Variants in PTPRE observed in about 807,000 individuals in gnomAD.
The protein encoded by PTPRE is protein tyrosine phosphatase receptor type E.
In PTPRE, 51 loss-of-function variants were observed where a neutral mutation model predicts 102.0. The ratio of observed to expected loss-of-function variants is 0.50; its 90% CI spans 0.40 to 0.63. PTPRE has a LOEUF of 0.63. Among genes scored for constraint, PTPRE ranks in the 30% least tolerant of loss-of-function variants. PTPRE has a pLI of 0.00. For synonymous variants in PTPRE, 345 were observed against 348.2 expected, an observed-to-expected ratio of 0.99 and a Z score of 0.10; for missense variants, 752 against 915.1, an observed-to-expected ratio of 0.82 and a Z score of 2.30.
intron 1 of PTPRE, among the ~76,000 whole-genome samples, chr10:127,959,717 A>G (rs1849661428): frequency 6.6e-6 from 1 of 152,206 alleles, no homozygotes; most frequent in Admixed American, 6.5e-5. Flanking sequence ...CTTCCCCAGT[A>G]TGATCCTGGG....
chr10:128,045,605 C>T (rs1848026091), intron 3 of PTPRE, among the ~76,000 whole-genome samples: 1 of 152,162 alleles, frequency 6.6e-6, no homozygotes, highest in African/African-American at 2.4e-5. Context: ...GGCTGGGCTC[C>T]AGGCTGCCCC....
chr10:128,021,158 G>A (rs1237355054), intron 2 of PTPRE, among the ~76,000 whole-genome samples: 1 of 152,186 alleles, frequency 6.6e-6, no homozygotes, highest in Non-Finnish European at 1.5e-5. Flanking sequence ...GCCTCCCAAA[G>A]TGCTGGGACT....
rs571592192 is a variant in PTPRE at position 128,067,380 on chromosome 10, T to G, written c.844-743T>G. Among the ~76,000 whole-genome samples, 749 of 100,692 alleles carry G rather than the reference T, an allele frequency of 7.4e-3. 6 individuals are homozygous for G. The highest frequency in any genetic ancestry group is 0.045 in the Middle Eastern group (9 of 200). The allele number at this position is 100,692 out of a possible 152,430, so 66.1% of individuals were successfully genotyped here. On this transcript the variant is annotated intron_variant, in intron 11 of 20. Coordinates refer to ENST00000254667, the MANE Select transcript of PTPRE (RefSeq NM_006504.6). ...CGCACACGTGCACACATGCACACAT[T>G]CACACATGTGCACACACACATACAC...
At chr10:128,072,003 T>TA (rs1850813847) in intron 15 of PTPRE, 135 bp from the exon 16 acceptor site, 1 of 655,240 alleles carries the variant, frequency 1.5e-6, no homozygotes, top group Non-Finnish European at 2.6e-6. Flanking sequence ...TCTCATAACG[T>TA]AAACTTTCCA....
rs185141897 is a variant in PTPRE at position 128,081,394 on chromosome 10, G to A, written c.2029-1438G>A. On this transcript the variant is annotated intron_variant, in intron 20 of 20. Coordinates refer to ENST00000254667, the MANE Select transcript of PTPRE (RefSeq NM_006504.6). ...CCAGAAATGTCTGTCTGTGACCTGA[G>A]GTGTGGCTTGTATCATCCGAGCACA... 3.9e-5 allele frequency among the ~76,000 whole-genome samples: 6 copies of A among 152,314 alleles called. No individual in the cohort carries two copies. The East Asian group carries it at 9.6e-4, about 24-fold the overall frequency.
rs59170572 is a variant in PTPRE at position 127,982,489 on chromosome 10, C to CGTGTGTGT, written c.-8+227_-8+234dup. ...TCACACCTTTTTGTTACATCATTTGCGTGTGTGTGTGTGTGTGTGTGTGTG... is the reference window on the plus strand; with the variant it reads ...TCACACCTTTTTGTTACATCATTTGCGTGTGTGTGTGTGTGTGTGTGTGTGTGTGTGTG... On this transcript the variant is annotated intron_variant, in intron 2 of 20. Transcript: ENST00000254667. Among the ~76,000 whole-genome samples, 240 of 142,714 alleles carry CGTGTGTGT rather than the reference C, an allele frequency of 1.7e-3. 1 individual carries two copies. The highest frequency in any genetic ancestry group is 2.1e-3 in the East Asian group (10 of 4,676). The allele number at this position is 142,714 out of a possible 152,430, so 93.6% of individuals were successfully genotyped here. A position where few individuals can be genotyped will look rare whatever the true frequency, so the allele number is the denominator to read the frequency against.
At chr10:127,987,918 C>T (rs1005575802) in intron 2 of PTPRE, among the ~76,000 whole-genome samples, 1 of 152,200 alleles carries the variant, frequency 6.6e-6, no homozygotes, top group Non-Finnish European at 1.5e-5. Flanking sequence ...CTTCAAGGAG[C>T]TTGTCTTCAG....
At chr10:127,917,705 C>T (rs989103233) in intron 1 of PTPRE, among the ~76,000 whole-genome samples, 62 of 152,136 alleles carry the variant, frequency 4.1e-4, no homozygotes, top group African/African-American at 1.5e-3. Context: ...TTACACTGTA[C>T]ATTCTTAGGG....
chr10:128,078,122 C>T (rs1332417021), intron 19 of PTPRE, among the ~76,000 whole-genome samples: 2 of 152,216 alleles, frequency 1.3e-5, no homozygotes, highest in African/African-American at 4.8e-5. Context: ...TCCTGGACTT[C>T]AAGTTCCTGG....
rs999940954 is a variant in PTPRE, at chr10:128,028,291, C to T, written c.-7-12584C>T. 6.6e-6 allele frequency among the ~76,000 whole-genome samples: 1 copy of T among 152,154 alleles called. No individual in the cohort carries two copies. Among genetic ancestry groups the T allele is most frequent in the East Asian group, 1.9e-4 (1 of 5,184 alleles). On this transcript the variant is annotated intron_variant, in intron 2 of 20. Transcript: ENST00000254667. The surrounding 1 kb of genome is among the most constrained non-coding windows in gnomAD (Gnocchi z 4.5). ...CCTGTCTCCTCCCCAGTCCTTTCTG[C>T]GACCTCAGGTGGCCTCACTCCTGGC...
chr10:128,019,332 G>A (rs912516653), intron 2 of PTPRE, among the ~76,000 whole-genome samples: 6 of 152,250 alleles, frequency 3.9e-5, no homozygotes, highest in Non-Finnish European at 5.9e-5. Flanking sequence ...AAGAAAACGC[G>A]GGTGGATCGT....
chr10:128,036,204 G>A (rs12571952), intron 2 of PTPRE, among the ~76,000 whole-genome samples: 2 of 151,176 alleles, frequency 1.3e-5, no homozygotes, highest in Admixed American at 1.3e-4. Context: ...TCCCTTCCTC[G>A]GGCCCTAGTG....
At chr10:128,002,660 T>TGCA (rs1209628564) in intron 2 of PTPRE, among the ~76,000 whole-genome samples, 1 of 150,712 alleles carries the variant, frequency 6.6e-6, no homozygotes, top group African/African-American at 2.4e-5. Flanking sequence ...CAATTGTCTT[T>TGCA]GCAGTGTTTG....
At chr10:128,023,689 A>G (rs1285195207) in intron 2 of PTPRE, among the ~76,000 whole-genome samples, 1 of 152,206 alleles carries the variant, frequency 6.6e-6, no homozygotes, top group Non-Finnish European at 1.5e-5. Flanking sequence ...ACATAAATCG[A>G]TGGTGCTTTC....
At position 128,072,176 on chromosome 10, in the gene PTPRE, C is replaced by T. The variant is rs757662183; in HGVS notation, c.1426C>T (p.Gln476Ter). The T allele has an allele frequency of 6.2e-7, 1 of 1,613,994 alleles. No individual in the cohort carries two copies. Among genetic ancestry groups the T allele is most frequent in the South Asian group, 1.1e-5 (1 of 91,058 alleles). The change falls in exon 16 of 21, where the codon CAA becomes TAA. Residue 476 changes from glutamine to a stop codon, truncating the protein, a stop_gained. Transcript: ENST00000254667. LOFTEE classifies it high-confidence loss of function. The part of the protein sequence containing the change: ...NRVILSMKRG[Q>*]EYTDYINASF... ...AGTGATCCTTTCCATGAAAAGGGGT[C>T]AAGAATACACAGACTACATCAACGC...
Position 128,070,895 on chromosome 10 carries a change from A to C in PTPRE, c.1381A>C (p.Ile461Leu), listed in dbSNP as rs1850705826. The change falls in exon 15 of 21, where the codon ATC becomes CTC. Residue 461 changes from isoleucine to leucine, a missense_variant. Physicochemically the swap from Ile to Leu is conservative, Grantham distance 5 (BLOSUM62 2). Transcript: ENST00000254667. The surrounding 1 kb of genome is among the most constrained non-coding windows in gnomAD (Gnocchi z 4.8). ...NMKKARVIQI[I>L]PYDFNRVILS... is the part of the protein sequence containing the mutation. ...GAAGAAGGCCAGGGTCATCCAGATC[A>C]TCCCGTGTAAGGCACCCGTGGCGTG... 6.2e-7 allele frequency: 1 copy of C among 1,613,760 alleles called. No homozygotes were observed. Among genetic ancestry groups the C allele is most frequent in the Non-Finnish European group, 8.5e-7 (1 of 1,179,636 alleles).
intron 17 of PTPRE, among the ~76,000 whole-genome samples, chr10:128,075,962 T>C (rs953369533): frequency 6.6e-6 from 1 of 152,216 alleles, no homozygotes; most frequent in Non-Finnish European, 1.5e-5. Flanking sequence ...GTTTTATGTA[T>C]TGCAAACATC....
rs781468674 is a variant in PTPRE at position 128,056,106 on chromosome 10, G to A, written c.421-17G>A. The A allele has an allele frequency of 3.0e-5, 47 of 1,574,144 alleles. No homozygotes were observed. Among genetic ancestry groups the A allele is most frequent in the Middle Eastern group, 3.3e-4 (2 of 6,022 alleles). On this transcript the variant is annotated splice_polypyrimidine_tract_variant and intron_variant, in intron 6 of 20. Transcript: ENST00000254667. ...TGAATCCATCACATTTCATACTAAT[G>A]CTACATTTTCTTCCAGTCATTGCCA...
chr10:127,999,400 G>A (rs1158627739), intron 2 of PTPRE: 1 of 300,976 alleles, frequency 3.3e-6, no homozygotes, highest in Non-Finnish European at 4.9e-6. Flanking sequence ...AGAACTAAAT[G>A]TGAACCACGG....
Sources: allele counts gnomAD v4.1 joint callset (sites outside exome capture counted in the v4.1 genomes callset), GRCh38; gene constraint gnomAD v4.1.1; non-coding constraint Gnocchi (gnomAD v3.1); transcripts MANE v1.5; gene names NCBI Gene and HGNC (gene_info 2026-07-23, HGNC 2026-07-21).